The following ARMC9 variants were observed in gnomAD, a reference collection of about 807,000 sequenced individuals.
ARMC9 encodes lisH domain-containing protein ARMC9.
ARMC9 carries 94 observed loss-of-function variants against 107.0 expected under a neutral mutation model. That is an observed-to-expected ratio of 0.88 (90% confidence interval 0.74 to 1.04). The LOEUF is 1.04. Ranked by LOEUF, ARMC9 falls within the 50% of genes least tolerant of loss-of-function variation. The pLI, the probability that ARMC9 is intolerant of heterozygous loss-of-function variation, is 0.00. For missense variants in ARMC9, 942 were observed against 1,030.1 expected, an observed-to-expected ratio of 0.91 and a Z score of 1.17; for synonymous variants, 380 against 396.9, an observed-to-expected ratio of 0.96 and a Z score of 0.51.
At chr2:231,232,071 G>T (rs1411935023) in intron 7 of ARMC9, among the ~76,000 whole-genome samples, 2 of 141,068 alleles carry the variant, frequency 1.4e-5, no homozygotes, top group African/African-American at 5.4e-5. Context: ...CTGTCACCAG[G>T]CTGGAGTGCA....
At chr2:231,368,056 A>G (rs753187505) in intron 23 of ARMC9, among the ~76,000 whole-genome samples, 147 of 152,260 alleles carry the variant, frequency 9.7e-4, no homozygotes, top group Non-Finnish European at 1.3e-3. Context: ...GAATAGTAAA[A>G]CATAAAAATT....
At chr2:231,328,067 A>C (rs1215640311) in intron 19 of ARMC9, among the ~76,000 whole-genome samples, 1 of 152,118 alleles carries the variant, frequency 6.6e-6, no homozygotes, top group Non-Finnish European at 1.5e-5. Flanking sequence ...TACAGGCATA[A>C]CCCACTGCTC....
At chr2:231,201,452 C>T (rs962094623) in intron 1 of ARMC9, among the ~76,000 whole-genome samples, 1 of 152,242 alleles carries the variant, frequency 6.6e-6, no homozygotes, top group African/African-American at 2.4e-5. Flanking sequence ...CCAGTTTCTT[C>T]ATCCTCCTTA....
chr2:231,368,852 T>C (rs557051342), intron 23 of ARMC9, among the ~76,000 whole-genome samples: 141 of 152,246 alleles, frequency 9.3e-4, no homozygotes, highest in African/African-American at 3.0e-3. Context: ...CGCGAACTCC[T>C]GACCTTGTGA....
At chr2:231,326,483 C>T (rs2043326354) in intron 19 of ARMC9, among the ~76,000 whole-genome samples, 1 of 152,216 alleles carries the variant, frequency 6.6e-6, no homozygotes, top group Non-Finnish European at 1.5e-5. Context: ...GATCTGGGGC[C>T]TGCCTCTTAT....
intron 18 of ARMC9, chr2:231,293,848 G>C (rs1381443768): frequency 6.6e-6 from 1 of 152,210 alleles, no homozygotes; most frequent in Non-Finnish European, 1.5e-5. Flanking sequence ...TCAGATGGAA[G>C]ACCAGACACA....
chr2:231,340,641 C>T (rs1397180221), intron 20 of ARMC9, among the ~76,000 whole-genome samples: 15 of 152,138 alleles, frequency 9.9e-5, no homozygotes, highest in Non-Finnish European at 2.9e-5. Context: ...AATCCCAGCA[C>T]TTTGGGAGGC....
chr2:231,245,023 G>T (rs2036625982), intron 9 of ARMC9, among the ~76,000 whole-genome samples: 2 of 152,228 alleles, frequency 1.3e-5, no homozygotes, highest in African/African-American at 4.8e-5. Flanking sequence ...TCACACCCAG[G>T]TAGCTGTGTT....
chr2:231,324,924 T>A (rs1263726440), intron 19 of ARMC9, among the ~76,000 whole-genome samples: 1 of 151,620 alleles, frequency 6.6e-6, no homozygotes, highest in African/African-American at 2.4e-5. Context: ...AAAAATTTTG[T>A]TTAATTAAAA....
At chr2:231,295,266 A>G (rs1428240748) in intron 18 of ARMC9, 1 of 152,216 alleles carries the variant, frequency 6.6e-6, no homozygotes, top group Non-Finnish European at 1.5e-5. Context: ...GTCCCCAGGG[A>G]CTCACAGTTC....
chr2:231,278,538 G>A, intron 16 of ARMC9, 80 bp downstream of exon 16: 4 of 1,288,278 alleles, frequency 3.1e-6, no homozygotes, highest in Non-Finnish European at 4.5e-6. Flanking sequence ...CAGGCACACA[G>A]CTGGCCCAGG....
chr2:231,203,764 A>G (rs1013847878), intron 1 of ARMC9, among the ~76,000 whole-genome samples: 1 of 152,198 alleles, frequency 6.6e-6, no homozygotes, highest in Non-Finnish European at 1.5e-5. Flanking sequence ...GTTCGAGACC[A>G]GCCTGGCCAA....
rs1464816141 is a variant in ARMC9 at position 231,289,701 on chromosome 2, A to G, written c.1627-1652A>G. Among the ~76,000 whole-genome samples the G allele has an allele frequency of 3.9e-5, 6 of 152,242 alleles. No individual in the cohort carries two copies. In the East Asian group the frequency reaches 9.7e-4, roughly 24 times the overall value. On this transcript the variant is annotated intron_variant, in intron 17 of 24. Transcript: ENST00000611582. ...TGGCCAGGTGTCCAACTGGTCCCGCAGGAGCCTGGGCACTGCTGGTCCCTC... is the reference window on the plus strand; with the variant it reads ...TGGCCAGGTGTCCAACTGGTCCCGCGGGAGCCTGGGCACTGCTGGTCCCTC...
At chr2:231,322,908 T>G (rs913787634) in intron 19 of ARMC9, among the ~76,000 whole-genome samples, 3 of 152,204 alleles carry the variant, frequency 2.0e-5, no homozygotes, top group Non-Finnish European at 4.4e-5. Flanking sequence ...AAGTAGATTT[T>G]AAAATATGTC....
At chr2:231,223,541 C>T (rs2034354269) in intron 6 of ARMC9, among the ~76,000 whole-genome samples, 1 of 152,176 alleles carries the variant, frequency 6.6e-6, no homozygotes. Flanking sequence ...TATTTCATAA[C>T]AAGAACATAA....
rs1476589178 is a variant in ARMC9, at chr2:231,362,474, G to C, written c.2261+1591G>C. Reference sequence around the variant, plus strand: ...CTGTTTTCACAGTAGGTAGGCAGCCGACCCTGAGGGACCTCATTACATCAA... The same window carrying C: ...CTGTTTTCACAGTAGGTAGGCAGCCCACCCTGAGGGACCTCATTACATCAA... On this transcript the variant is annotated intron_variant, in intron 23 of 24. Coordinates refer to ENST00000611582, the MANE Select transcript of ARMC9 (RefSeq NM_001352754.2). The surrounding 1 kb of genome is among the most constrained non-coding windows in gnomAD (Gnocchi z 4.7). 6.6e-6 allele frequency among the ~76,000 whole-genome samples: 1 copy of C among 151,954 alleles called. No homozygotes were observed. Among genetic ancestry groups the C allele is most frequent in the Non-Finnish European group, 1.5e-5 (1 of 67,992 alleles).
In ARMC9 at chr2:231,222,597, C is replaced by T. The variant is rs147075103; in HGVS notation, c.505-131C>T. On this transcript the variant is annotated intron_variant, in intron 5 of 24. Coordinates refer to ENST00000611582, the MANE Select transcript of ARMC9 (RefSeq NM_001352754.2). ...TGTCCTAAGACCTGTTTTTCACAGC[C>T]TCACGTCACTGGCATTTTGGTTTTG... 5.7e-3 allele frequency: 2,930 copies of T among 517,208 alleles called. 37 individuals carry two copies. Among genetic ancestry groups the T allele is most frequent in the South Asian group, 0.023 (703 of 31,158 alleles). The allele number at this position is 517,208 out of a possible 1,614,324, so 32.0% of individuals were successfully genotyped here. A position where few individuals can be genotyped will look rare whatever the true frequency, so the allele number is the denominator to read the frequency against.
intron 21 of ARMC9, 34 bp downstream of exon 21, chr2:231,345,124 T>C (rs1324477785): frequency 6.2e-7 from 1 of 1,605,686 alleles, no homozygotes. Context: ...GGAATTGACT[T>C]TCTTAAGCTT....
At chr2:231,337,290 A>ATTTTTT (rs58078324) in intron 20 of ARMC9, among the ~76,000 whole-genome samples, 18 of 38,020 alleles carry the variant, frequency 4.7e-4, no homozygotes, top group South Asian at 1.1e-3. Context: ...ATATATATAT[A>ATTTTTT]TTTTTTTTTT....
Sources: gnomAD v4.1 joint callset for allele counts (sites outside exome capture counted in the v4.1 genomes callset) on GRCh38, gnomAD v4.1.1 for gene constraint, Gnocchi (gnomAD v3.1) non-coding constraint, MANE v1.5 for transcripts, NCBI Gene and HGNC (gene_info 2026-07-23, HGNC 2026-07-21) for gene names.